GPR39: variants seen among roughly 807,000 people sequenced by gnomAD.
GPR39 encodes the protein G protein-coupled receptor 39.
In GPR39, 23 loss-of-function variants were observed where a neutral mutation model predicts 18.4. That is an observed-to-expected ratio of 1.25 (90% CI 0.90 to 1.77). The LOEUF is 1.77. Ranked by LOEUF, GPR39 falls within the 40% of genes most tolerant of loss-of-function variation. GPR39 has a pLI of 0.00. For missense variants in GPR39, 647 were observed against 602.4 expected (o/e 1.07, Z -0.78); for synonymous variants, 280 against 257.9 (o/e 1.09, Z -0.82).
At chr2:132,419,561 C>A (rs986811400) in intron 1 of GPR39, among the ~76,000 whole-genome samples, 6 of 152,206 alleles carry the variant, frequency 3.9e-5, no homozygotes, top group Admixed American at 2.6e-4. Flanking sequence ...GTACCCAACT[C>A]AGTCTATCAC....
At chr2:132,477,364 C>T (rs1011922059) in intron 1 of GPR39, among the ~76,000 whole-genome samples, 3 of 152,098 alleles carry the variant, frequency 2.0e-5, no homozygotes, top group Non-Finnish European at 4.4e-5. Context: ...CAGCATACAA[C>T]AGGGCCAGCC....
At chr2:132,475,213 G>A (rs1681103952) in intron 1 of GPR39, among the ~76,000 whole-genome samples, 1 of 151,666 alleles carries the variant, frequency 6.6e-6, no homozygotes, top group Admixed American at 6.6e-5. Context: ...CCTTTGCTGA[G>A]TAGTCTCTTC....
chr2:132,635,037 G>A (rs1285896702), intron 1 of GPR39, among the ~76,000 whole-genome samples: 4 of 152,186 alleles, frequency 2.6e-5, no homozygotes, highest in Admixed American at 2.6e-4. Context: ...CTCCTTTAGG[G>A]CTGAGGGTGC....
intron 1 of GPR39, among the ~76,000 whole-genome samples, chr2:132,502,844 G>A (rs559071718): frequency 1.2e-4 from 19 of 152,224 alleles, no homozygotes; most frequent in Middle Eastern, 3.4e-3. Flanking sequence ...TTTCTTCTGC[G>A]TGTTCAGTTC....
At chr2:132,582,033 G>A (rs190291545) in intron 1 of GPR39, among the ~76,000 whole-genome samples, 8 of 152,178 alleles carry the variant, frequency 5.3e-5, no homozygotes, top group Non-Finnish European at 1.2e-4. Flanking sequence ...TGCTGCTGTC[G>A]GAGTCACCTG....
chr2:132,466,826 C>A (rs1429689615), intron 1 of GPR39, among the ~76,000 whole-genome samples: 1 of 152,144 alleles, frequency 6.6e-6, no homozygotes, highest in Non-Finnish European at 1.5e-5. Flanking sequence ...GCCCAGAGAG[C>A]ACTTGGCCTC....
intron 1 of GPR39, among the ~76,000 whole-genome samples, chr2:132,480,814 A>G (rs534352530): frequency 6.6e-6 from 1 of 152,256 alleles, no homozygotes; most frequent in African/African-American, 2.4e-5. Flanking sequence ...AGCTGTTGGA[A>G]GCTCTTTTTT....
intron 1 of GPR39, among the ~76,000 whole-genome samples, chr2:132,497,140 G>A (rs953709713): frequency 2.7e-4 from 41 of 152,162 alleles, no homozygotes; most frequent in African/African-American, 9.9e-4. Flanking sequence ...GTGTGGGCAG[G>A]CGTGTGGCTC....
chr2:132,625,462 C>T (rs1467810507), intron 1 of GPR39, among the ~76,000 whole-genome samples: 1 of 152,088 alleles, frequency 6.6e-6, no homozygotes, highest in African/African-American at 2.4e-5. Flanking sequence ...TAATAAGTGC[C>T]ATAAACCAGC....
chr2:132,456,562 T>G (rs552408678), intron 1 of GPR39, among the ~76,000 whole-genome samples: 1 of 152,224 alleles, frequency 6.6e-6, no homozygotes, highest in African/African-American at 2.4e-5. Context: ...TGATGCAGTT[T>G]CTTCATAGCA....
rs116143895 is a variant in GPR39, at chr2:132,539,656, T to A, written c.857-105445T>A. On this transcript the variant is annotated intron_variant, in intron 1 of 1. Transcript: ENST00000329321. The stretch of plus-strand genomic sequence containing the variant: ...GTTCATAATGTTGCAGGCCAGGAAT[T>A]TGGGGAGTGCTTGCCTGGGTGGTTC... 8.3e-3 allele frequency among the ~76,000 whole-genome samples: 1,262 copies of A among 152,240 alleles called. 16 individuals carry two copies. The highest frequency in any genetic ancestry group is 0.029 in the African/African-American group (1,200 of 41,548).
intron 1 of GPR39, among the ~76,000 whole-genome samples, chr2:132,428,975 G>A (rs1411692697): frequency 6.6e-6 from 1 of 152,158 alleles, no homozygotes; most frequent in East Asian, 1.9e-4. Flanking sequence ...AAATTCAAGG[G>A]GCTTATGAGA....
chr2:132,500,528 G>A (rs1679006834), intron 1 of GPR39, among the ~76,000 whole-genome samples: 1 of 152,096 alleles, frequency 6.6e-6, no homozygotes, highest in East Asian at 1.9e-4. Flanking sequence ...AGGGATATTG[G>A]TCTGTATTTT....
intron 1 of GPR39, among the ~76,000 whole-genome samples, chr2:132,511,667 G>A (rs1679243010): frequency 6.6e-6 from 1 of 152,194 alleles, no homozygotes; most frequent in Admixed American, 6.5e-5. Context: ...GTAGCCAGGT[G>A]AGGGTGCAGG....
At chr2:132,562,780 G>A (rs997698785) in intron 1 of GPR39, among the ~76,000 whole-genome samples, 1 of 152,098 alleles carries the variant, frequency 6.6e-6, no homozygotes, top group Non-Finnish European at 1.5e-5. Flanking sequence ...ACACCTGCAT[G>A]AATGAAGGTA....
chr2:132,463,036 T>C (rs1680861584), intron 1 of GPR39, among the ~76,000 whole-genome samples: 1 of 152,262 alleles, frequency 6.6e-6, no homozygotes, highest in African/African-American at 2.4e-5. Flanking sequence ...TTTCTTCATT[T>C]GTTCATCCAT....
intron 1 of GPR39, among the ~76,000 whole-genome samples, chr2:132,568,145 A>G (rs143026144): frequency 1.1e-4 from 16 of 152,212 alleles, no homozygotes; most frequent in African/African-American, 2.7e-4. Flanking sequence ...TAATCATGGC[A>G]TTTCAACTCC....
chr2:132,533,375 G>A lies in GPR39; in HGVS notation c.857-111726G>A, dbSNP rs534125717. The stretch of plus-strand genomic sequence containing the variant: ...ACAAACAAATGGAAGAACATTCCAT[G>A]CTCATGGGTAGGAAGAATCAATATC... On this transcript the variant is annotated intron_variant, in intron 1 of 1. Transcript: ENST00000329321. 2.3e-3 allele frequency among the ~76,000 whole-genome samples: 343 copies of A among 149,686 alleles called. 2 individuals are homozygous for A. The highest frequency in any genetic ancestry group is 3.9e-3 in the Non-Finnish European group (266 of 67,402).
At chr2:132,527,615 T>A (rs1679537098) in intron 1 of GPR39, among the ~76,000 whole-genome samples, 1 of 152,240 alleles carries the variant, frequency 6.6e-6, no homozygotes, top group Admixed American at 6.5e-5. Context: ...GTTTCTTGAC[T>A]TTTTAATAAT....
Sources: allele counts gnomAD v4.1 joint callset (sites outside exome capture counted in the v4.1 genomes callset), GRCh38; gene constraint gnomAD v4.1.1; transcripts MANE v1.5; gene names NCBI Gene and HGNC (gene_info 2026-07-23, HGNC 2026-07-21).